Variants in CREB5 observed in about 807,000 individuals in gnomAD.
CREB5 encodes the protein cyclic AMP-responsive element-binding protein 5.
CREB5 carries 19 observed loss-of-function variants against 57.1 expected under a neutral mutation model. That is an observed-to-expected ratio of 0.33 (90% CI 0.23 to 0.49). The LOEUF (loss-of-function observed/expected upper bound fraction) is 0.49. CREB5 is among the 20% of genes least tolerant of loss of function. CREB5 has a pLI of 0.99. For missense variants in CREB5, 579 were observed against 671.6 expected, an observed-to-expected ratio of 0.86 and a Z score of 1.52; for synonymous variants, 238 against 238.3, an observed-to-expected ratio of 1.00 and a Z score of 0.01.
intron 5 of CREB5, among the ~76,000 whole-genome samples, chr7:28,644,300 A>G (rs999220565): frequency 6.6e-6 from 1 of 152,192 alleles, no homozygotes; most frequent in Non-Finnish European, 1.5e-5. Flanking sequence ...CTGATGGCTT[A>G]TCATCTTTCT....
At chr7:28,643,159 G>T (rs890151817) in intron 5 of CREB5, among the ~76,000 whole-genome samples, 1 of 152,074 alleles carries the variant, frequency 6.6e-6, no homozygotes, top group Non-Finnish European at 1.5e-5. Context: ...TAGGTGTTAG[G>T]AATTTTTTTC....
At position 28,825,402 on chromosome 7, in the gene CREB5, T is replaced by C. The variant is rs1377710825; in HGVS notation, c.*6123T>C. ...AGAGGACATAGGGTTTGGGATCCTC[T>C]GAAAAGGCCCAGAAAAATAGCTCAG... On this transcript the variant is annotated 3_prime_UTR_variant, in exon 11 of 11. Transcript: ENST00000357727. 9 of 152,454 alleles carry C rather than the reference T, an allele frequency of 5.9e-5. No individual in the cohort carries two copies. Among genetic ancestry groups the C allele is most frequent in the Admixed American group, 3.9e-4 (6 of 15,280 alleles). The allele number at this position is 152,454 out of a possible 1,614,324, so 9.4% of individuals were successfully genotyped here.
At chr7:28,336,078 T>C (rs184419974) in intron 1 of CREB5, among the ~76,000 whole-genome samples, 140 of 152,262 alleles carry the variant, frequency 9.2e-4, no homozygotes, top group African/African-American at 3.3e-3. Flanking sequence ...CTTTTTAATA[T>C]GGTATAGAAC....
At chr7:28,426,148 T>C (rs947894755) in intron 1 of CREB5, among the ~76,000 whole-genome samples, 3 of 152,166 alleles carry the variant, frequency 2.0e-5, no homozygotes, top group Non-Finnish European at 2.9e-5. Flanking sequence ...ATTTATTGAG[T>C]CTTTAGTGAG....
chr7:28,771,080 T>A (rs554742601), intron 7 of CREB5, among the ~76,000 whole-genome samples: 13 of 152,362 alleles, frequency 8.5e-5, no homozygotes, highest in Middle Eastern at 3.4e-3. Flanking sequence ...GTAATTTTTT[T>A]AAGTATGAAA....
chr7:28,462,758 G>T (rs1464175667), intron 1 of CREB5, among the ~76,000 whole-genome samples: 1 of 151,870 alleles, frequency 6.6e-6, no homozygotes, highest in Non-Finnish European at 1.5e-5. Flanking sequence ...TTTTAATTAG[G>T]TTATTTGCTT....
chr7:28,559,756 G>T (rs1015339297), intron 4 of CREB5, among the ~76,000 whole-genome samples: 2 of 152,230 alleles, frequency 1.3e-5, no homozygotes, highest in African/African-American at 2.4e-5. Flanking sequence ...CCAACCAATG[G>T]TAATTTATAT....
At chr7:28,751,822 C>G (rs553508310) in intron 7 of CREB5, among the ~76,000 whole-genome samples, 9 of 152,252 alleles carry the variant, frequency 5.9e-5, no homozygotes, top group Non-Finnish European at 1.0e-4. Flanking sequence ...TCTGTTCCAG[C>G]ACCCAGTGCC....
At chr7:28,395,582 C>A (rs1787318628) in intron 1 of CREB5, among the ~76,000 whole-genome samples, 1 of 152,148 alleles carries the variant, frequency 6.6e-6, no homozygotes, top group African/African-American at 2.4e-5. Flanking sequence ...ATCTGACTTG[C>A]ACTATTCTCC....
chr7:28,388,343 C>T (rs1397206587), intron 1 of CREB5, among the ~76,000 whole-genome samples: 1 of 152,146 alleles, frequency 6.6e-6, no homozygotes, highest in African/African-American at 2.4e-5. Flanking sequence ...GTGGAAGTTG[C>T]ACCCTTCATT....
chr7:28,393,881 T>A (rs1787279136), intron 1 of CREB5, among the ~76,000 whole-genome samples: 1 of 151,892 alleles, frequency 6.6e-6, no homozygotes, highest in Non-Finnish European at 1.5e-5. Context: ...TTGAGCCCAG[T>A]CTGGCCAACA....
At chr7:28,555,344 A>C (rs942577206) in intron 4 of CREB5, among the ~76,000 whole-genome samples, 2 of 152,260 alleles carry the variant, frequency 1.3e-5, no homozygotes, top group African/African-American at 2.4e-5. Flanking sequence ...AGGCAAAGCC[A>C]CTTCACAAAT....
intron 1 of CREB5, among the ~76,000 whole-genome samples, chr7:28,331,700 T>A (rs1165798481): frequency 1.3e-5 from 2 of 152,062 alleles, no homozygotes; most frequent in East Asian, 3.9e-4. Flanking sequence ...AATAAAAAAA[T>A]TAGCTGGGTG....
At chr7:28,346,039 G>T (rs779649778) in intron 1 of CREB5, among the ~76,000 whole-genome samples, 1 of 152,206 alleles carries the variant, frequency 6.6e-6, no homozygotes, top group Admixed American at 6.5e-5. Context: ...GTAGTGATGG[G>T]TTAAGTGTCC....
intron 5 of CREB5, among the ~76,000 whole-genome samples, chr7:28,613,129 C>T (rs1797460216): frequency 6.6e-6 from 1 of 152,198 alleles, no homozygotes; most frequent in Non-Finnish European, 1.5e-5. Context: ...CACCTCTATA[C>T]CTCAGCAAAC....
In CREB5 at chr7:28,507,747, C is replaced by G. The variant is rs752211944; in HGVS notation, c.291+10C>G. The G allele has an allele frequency of 2.5e-6, 4 of 1,591,680 alleles. No homozygotes were observed. The highest frequency in any genetic ancestry group is 3.4e-6 in the Non-Finnish European group (4 of 1,163,218). ...GGAGAGCAGCAAGCGGGTAGGTTTGCTTGGATGGCCGCCTTGAGAGGTGTC... is the reference window on the plus strand; with the variant it reads ...GGAGAGCAGCAAGCGGGTAGGTTTGGTTGGATGGCCGCCTTGAGAGGTGTC... On this transcript the variant is annotated intron_variant, in intron 4 of 10. Coordinates refer to ENST00000357727, the MANE Select transcript of CREB5 (RefSeq NM_182898.4).
chr7:28,381,081 C>T (rs905410137), intron 1 of CREB5, among the ~76,000 whole-genome samples: 4 of 152,128 alleles, frequency 2.6e-5, no homozygotes, highest in Non-Finnish European at 4.4e-5. Flanking sequence ...TGGCATCTTT[C>T]CTCCCTTTCA....
At chr7:28,553,986 A>T (rs767418491) in intron 4 of CREB5, among the ~76,000 whole-genome samples, 9 of 152,206 alleles carry the variant, frequency 5.9e-5, no homozygotes, top group Non-Finnish European at 8.8e-5. Flanking sequence ...GCAGATGGAT[A>T]TCTGCTGAAC....
chr7:28,387,720 C>A (rs57082454), intron 1 of CREB5, among the ~76,000 whole-genome samples: 4 of 152,076 alleles, frequency 2.6e-5, no homozygotes, highest in African/African-American at 9.6e-5. Flanking sequence ...ATCTGTGCAG[C>A]AAACCACCAT....
Sources: gnomAD v4.1 joint callset for allele counts (sites outside exome capture counted in the v4.1 genomes callset) on GRCh38, gnomAD v4.1.1 for gene constraint, MANE v1.5 for transcripts, NCBI Gene and HGNC (gene_info 2026-07-23, HGNC 2026-07-21) for gene names.